METTL15: variants seen among roughly 807,000 people sequenced by gnomAD.
METTL15 encodes 12S rRNA N(4)-cytidine methyltransferase METTL15.
METTL15 carries 34 observed loss-of-function variants against 38.3 expected under a neutral mutation model. The observed-to-expected ratio is 0.89, with a 90% CI of 0.68 to 1.18. The LOEUF (loss-of-function observed/expected upper bound fraction) is 1.18. Among genes scored for constraint, METTL15 ranks in the 50% most tolerant of loss-of-function variants. METTL15 has a pLI of 0.00. For synonymous variants in METTL15, 162 were observed against 170.9 expected (o/e 0.95, Z 0.41); for missense variants, 438 against 498.4 (o/e 0.88, Z 1.15).
chr11:28,164,376 A>G (rs1375769764), intron 3 of METTL15, among the ~76,000 whole-genome samples: 1 of 152,048 alleles, frequency 6.6e-6, no homozygotes, highest in African/African-American at 2.4e-5. Flanking sequence ...CACTATTGAT[A>G]CTGTAGAACG....
intron 5 of METTL15, among the ~76,000 whole-genome samples, chr11:28,375,624 G>A (rs1850301368): frequency 6.6e-6 from 1 of 151,990 alleles, no homozygotes; most frequent in Admixed American, 6.6e-5. Context: ...CCAGCTCCTG[G>A]TTTCATTAAT....
At chr11:28,170,054 G>A (rs1295799729) in intron 3 of METTL15, among the ~76,000 whole-genome samples, 1 of 152,108 alleles carries the variant, frequency 6.6e-6, no homozygotes, top group Non-Finnish European at 1.5e-5. Flanking sequence ...TAGGCTGACA[G>A]CTGGTTGCTT....
At chr11:28,385,872 C>T (rs2133388646) in intron 5 of METTL15, among the ~76,000 whole-genome samples, 1 of 152,060 alleles carries the variant, frequency 6.6e-6, no homozygotes, top group Middle Eastern at 3.4e-3. Context: ...AACCAGAAGT[C>T]TCATAAATCA....
intron 6 of METTL15, among the ~76,000 whole-genome samples, chr11:28,486,331 G>C (rs1240940261): frequency 6.6e-6 from 1 of 151,974 alleles, no homozygotes; most frequent in Non-Finnish European, 1.5e-5. Flanking sequence ...GAGACCTCTT[G>C]GATCAGGCTC....
downstream of METTL15, among the ~76,000 whole-genome samples, chr11:28,530,028 A>G (rs1851835741): frequency 6.6e-6 from 1 of 152,110 alleles, no homozygotes; most frequent in Non-Finnish European, 1.5e-5. Context: ...GGAGCTATAC[A>G]TAATTGGGAA....
intron 5 of METTL15, among the ~76,000 whole-genome samples, chr11:28,421,242 G>A (rs1483943869): frequency 3.3e-5 from 5 of 151,894 alleles, no homozygotes; most frequent in African/African-American, 1.2e-4. Flanking sequence ...GCAGAAAAAA[G>A]CCTAGGTCTT....
chr11:28,216,389 T>G (rs1590171701), intron 4 of METTL15, among the ~76,000 whole-genome samples: 1 of 152,082 alleles, frequency 6.6e-6, no homozygotes, highest in South Asian at 2.1e-4. Context: ...GGTGCATAAT[T>G]AAAAAATGAT....
chr11:28,510,055 G>A (rs1851661888), intron 6 of METTL15, among the ~76,000 whole-genome samples: 1 of 152,076 alleles, frequency 6.6e-6, no homozygotes. Context: ...CGAGGCCCTT[G>A]GGATGTAACA....
chr11:28,476,458 A>G (rs1044667090), intron 6 of METTL15, among the ~76,000 whole-genome samples: 2 of 152,166 alleles, frequency 1.3e-5, no homozygotes, highest in South Asian at 4.1e-4. Context: ...TTCCTTTCTG[A>G]GCTTGGCTGT....
rs183929140 is a variant in METTL15 at position 28,512,767 on chromosome 11, G to C, written c.*425-13711G>C. Reference sequence around the variant, plus strand: ...GCCAGCTCCAGCCTTGGCCAGCCCAGAAAGGGGCTCCCACAGTGCAGTGGT... The same window carrying C: ...GCCAGCTCCAGCCTTGGCCAGCCCACAAAGGGGCTCCCACAGTGCAGTGGT... On this transcript the variant is annotated intron_variant and NMD_transcript_variant, in intron 6 of 7. Transcript: ENST00000532947. 3.1e-3 allele frequency among the ~76,000 whole-genome samples: 474 copies of C among 152,364 alleles called. 1 individual carries two copies. The highest frequency in any genetic ancestry group is 0.011 in the African/African-American group (463 of 41,590).
chr11:28,140,590 T>G (rs758114075), intron 3 of METTL15, among the ~76,000 whole-genome samples: 17 of 152,222 alleles, frequency 1.1e-4, no homozygotes, highest in Admixed American at 2.6e-4. Flanking sequence ...TTTTTGCTCC[T>G]TAGCTCAGCT....
rs551494303 is a variant in METTL15, at chr11:28,177,618, A to G, written c.271-33444A>G. Among the ~76,000 whole-genome samples the G allele has an allele frequency of 3.9e-5, 6 of 152,122 alleles. No individual in the cohort carries two copies. The East Asian group carries it at 5.8e-4, about 15-fold the overall frequency. The stretch of plus-strand genomic sequence containing the variant: ...AGAACTCTGGGGATTTGAAAGTTAT[A>G]TTACTTACATGATGAAACGAATTAG... On this transcript the variant is annotated intron_variant, in intron 3 of 6. Coordinates refer to ENST00000407364, the MANE Select transcript of METTL15 (RefSeq NM_001113528.2).
chr11:28,365,397 T>C (rs1220113451), intron 5 of METTL15, among the ~76,000 whole-genome samples: 1 of 152,206 alleles, frequency 6.6e-6, no homozygotes, highest in Admixed American at 6.5e-5. Context: ...CCTGATTCAA[T>C]CTTAGGAGGT....
At chr11:28,329,268 T>A (rs1849739668) in intron 6 of METTL15, among the ~76,000 whole-genome samples, 1 of 152,130 alleles carries the variant, frequency 6.6e-6, no homozygotes, top group East Asian at 1.9e-4. Context: ...TGTATAGGTA[T>A]GGGTTTATTT....
intron 6 of METTL15, among the ~76,000 whole-genome samples, chr11:28,494,760 C>T (rs4296028): frequency 2.0e-5 from 3 of 152,294 alleles, no homozygotes; most frequent in Non-Finnish European, 4.4e-5. Flanking sequence ...TTCCGCTGCA[C>T]ATGCCCTCTT....
chr11:28,470,977 A>G (rs1176613649), intron 6 of METTL15, among the ~76,000 whole-genome samples: 1 of 152,098 alleles, frequency 6.6e-6, no homozygotes, highest in African/African-American at 2.4e-5. Flanking sequence ...TAGTGGCCTA[A>G]AACAACAACA....
At chr11:28,328,242 C>A in intron 6 of METTL15, 1 of 1,350,946 alleles carries the variant, frequency 7.4e-7, no homozygotes, top group Non-Finnish European at 1.0e-6. Context: ...GAAGATAAAT[C>A]CCCTAGTGTC....
At chr11:28,283,870 A>G (rs1169654301) in intron 4 of METTL15, among the ~76,000 whole-genome samples, 1 of 152,194 alleles carries the variant, frequency 6.6e-6, no homozygotes, top group Non-Finnish European at 1.5e-5. Flanking sequence ...AACACTTGTA[A>G]AATGCACATG....
At chr11:28,146,415 C>T (rs1405036675) in intron 3 of METTL15, among the ~76,000 whole-genome samples, 1 of 152,010 alleles carries the variant, frequency 6.6e-6, no homozygotes, top group Non-Finnish European at 1.5e-5. Flanking sequence ...GTTGTCAGCT[C>T]AGTGTTACTG....
Sources: allele counts gnomAD v4.1 joint callset (sites outside exome capture counted in the v4.1 genomes callset), GRCh38; gene constraint gnomAD v4.1.1; transcripts MANE v1.5; gene names NCBI Gene and HGNC (gene_info 2026-07-23, HGNC 2026-07-21).